Variants in ADD1 observed in about 807,000 individuals in gnomAD.
ADD1 encodes the protein alpha-adducin.
A neutral mutation model predicts 80.5 loss-of-function variants in ADD1; 24 were observed. The ratio of observed to expected loss-of-function variants is 0.30; its 90% CI spans 0.22 to 0.42. The LOEUF (loss-of-function observed/expected upper bound fraction) is 0.42, where lower values mean the gene tolerates loss of function less well. Ranked by LOEUF, ADD1 falls within the 10% of genes least tolerant of loss-of-function variation. The probability of loss-of-function intolerance (pLI) is 1.00; values close to 1 mark genes in which losing one functional copy is unlikely to be tolerated. For missense variants in ADD1, 948 were observed against 1,019.0 expected (o/e 0.93, Z 0.95); for synonymous variants, 373 against 393.8 (o/e 0.95, Z 0.63).
At chr4:2,893,284 A>G (rs1295946451) in intron 4 of ADD1, among the ~76,000 whole-genome samples, 2 of 151,836 alleles carry the variant, frequency 1.3e-5, no homozygotes, top group African/African-American at 4.8e-5. Context: ...CAGCAAGGAA[A>G]AAAAAAAAAG....
chr4:2,925,310 G>T (rs1740782370), intron 14 of ADD1, among the ~76,000 whole-genome samples: 1 of 152,154 alleles, frequency 6.6e-6, no homozygotes, highest in Admixed American at 6.5e-5. Context: ...GAGCTCAGAA[G>T]GATGATGATA....
chr4:2,862,477 A>G (rs1376876456), intron 1 of ADD1, among the ~76,000 whole-genome samples: 2 of 152,232 alleles, frequency 1.3e-5, no homozygotes, highest in African/African-American at 2.4e-5. Context: ...ATAAACAGAC[A>G]GCCTTATTCC....
intron 1 of ADD1, chr4:2,854,751 ACTGT>A (rs1378190455): frequency 6.6e-6 from 1 of 151,866 alleles, no homozygotes; most frequent in Non-Finnish European, 1.5e-5. Flanking sequence ...TTATTTTCAG[ACTGT>A]CTGTGTTCTG....
chr4:2,873,866 G>T (rs1351254713), intron 1 of ADD1, among the ~76,000 whole-genome samples: 1 of 152,076 alleles, frequency 6.6e-6, no homozygotes, highest in East Asian at 1.9e-4. Flanking sequence ...AAATAGATTG[G>T]GTAACCAGAA....
chr4:2,876,224 A>G, intron 2 of ADD1, 114 bp downstream of exon 2: 2 of 967,050 alleles, frequency 2.1e-6, no homozygotes, highest in South Asian at 3.8e-5. Flanking sequence ...ACAGGAAATC[A>G]GTGCCTTGAG....
At chr4:2,872,188 C>T (rs936503452) in intron 1 of ADD1, among the ~76,000 whole-genome samples, 7 of 152,164 alleles carry the variant, frequency 4.6e-5, no homozygotes, top group African/African-American at 1.4e-4. Context: ...ACTTATTTGT[C>T]ACGGTTCATC....
intron 15 of ADD1, among the ~76,000 whole-genome samples, chr4:2,927,269 C>T (rs959279252): frequency 4.6e-5 from 7 of 152,310 alleles, no homozygotes; most frequent in Non-Finnish European, 2.9e-5. Flanking sequence ...AGCCCTTTCC[C>T]GGTTCTCATG....
intron 1 of ADD1, among the ~76,000 whole-genome samples, chr4:2,858,136 G>A (rs1728339247): frequency 6.6e-6 from 1 of 152,150 alleles, no homozygotes; most frequent in African/African-American, 2.4e-5. Context: ...ACTATGTGGT[G>A]GAGATATGTG....
chr4:2,915,378 C>T (rs984617935), intron 14 of ADD1, among the ~76,000 whole-genome samples: 3 of 152,056 alleles, frequency 2.0e-5, no homozygotes, highest in African/African-American at 4.8e-5. Context: ...TGGTGGCTCA[C>T]GCCTATAATC....
At chr4:2,856,429 T>C (rs1386806713) in intron 1 of ADD1, among the ~76,000 whole-genome samples, 2 of 152,172 alleles carry the variant, frequency 1.3e-5, no homozygotes, top group Admixed American at 1.3e-4. Flanking sequence ...TTCATTACAA[T>C]GTGTGTAAGG....
At position 2,904,854 on chromosome 4, in the gene ADD1, G is replaced by A; in HGVS notation, c.1252G>A (p.Gly418Ser). The A allele has an allele frequency of 6.2e-7, 1 of 1,614,166 alleles. No homozygotes were observed. Residue 418 changes from glycine (G) to serine (S), a missense_variant, in exon 10 of 16, where the codon GGT (glycine) becomes AGT (serine). Coordinates refer to ENST00000683351, the MANE Select transcript of ADD1 (RefSeq NM_001354761.2). ...SDVEVPASVT[G>S]YSFASDGDSG... Reference sequence around the variant, plus strand: ...TGTGGAGGTTCCTGCTAGTGTCACAGGTTACTCCTTTGCTAGTGACGGTGA... The same window carrying A: ...TGTGGAGGTTCCTGCTAGTGTCACAAGTTACTCCTTTGCTAGTGACGGTGA...
At chr4:2,893,477 G>A (rs1198847988) in intron 4 of ADD1, among the ~76,000 whole-genome samples, 1 of 152,036 alleles carries the variant, frequency 6.6e-6, no homozygotes, top group Non-Finnish European at 1.5e-5. Flanking sequence ...GCTGGTCACA[G>A]TATTGTGCGC....
At chr4:2,911,506 G>A (rs1436168378) in intron 13 of ADD1, among the ~76,000 whole-genome samples, 2 of 148,276 alleles carry the variant, frequency 1.3e-5, no homozygotes, top group Non-Finnish European at 3.0e-5. Flanking sequence ...GAGTGTGGTC[G>A]GGCTGTCTTG....
intron 13 of ADD1, among the ~76,000 whole-genome samples, chr4:2,910,069 G>C (rs762849): frequency 0.019 from 2,804 of 145,890 alleles, 63 homozygotes; most frequent in African/African-American, 0.045. Context: ...TCTGTGTGCG[G>C]GCATCTAGTA....
chr4:2,914,912 T>A lies in ADD1; in HGVS notation c.1820T>A (p.Ile607Asn), dbSNP rs753435508. 2 of 1,613,404 alleles carry A rather than the reference T, an allele frequency of 1.2e-6. No homozygotes were observed. Among genetic ancestry groups the A allele is most frequent in the Non-Finnish European group, 1.7e-6 (2 of 1,179,672 alleles). ...GAGCTGGTGACGGCCTCCAAGGCCA[T>A]CATTGAAAAGGAGTACCAGCCCCAC... is the stretch of plus-strand genomic sequence containing the variant. ...KGELVTASKA[I>N]IEKEYQPHVI... is the part of the protein sequence containing the mutation. The change falls in exon 14 of 16, where the codon ATC (isoleucine) becomes AAC (asparagine). Residue 607 changes from isoleucine to asparagine, a missense_variant. Ile to Asn is a moderately radical substitution (Grantham distance 149). Transcript: ENST00000683351.
intron 1 of ADD1, among the ~76,000 whole-genome samples, chr4:2,862,216 G>T (rs1232975485): frequency 1.3e-5 from 2 of 152,226 alleles, no homozygotes; most frequent in Non-Finnish European, 2.9e-5. Flanking sequence ...ACTCCTGAAA[G>T]TGGGAGCAGC....
intron 14 of ADD1, among the ~76,000 whole-genome samples, chr4:2,924,603 A>G (rs1312634332): frequency 6.6e-6 from 1 of 152,136 alleles, no homozygotes; most frequent in African/African-American, 2.4e-5. Flanking sequence ...CACTCCTCCT[A>G]AGAGGACCTC....
chr4:2,905,985 G>A (rs1462017947), intron 10 of ADD1, among the ~76,000 whole-genome samples: 1 of 152,092 alleles, frequency 6.6e-6, no homozygotes, highest in East Asian at 1.9e-4. Flanking sequence ...AGGAGACAGG[G>A]GCTGAAGCAG....
intron 1 of ADD1, among the ~76,000 whole-genome samples, chr4:2,846,887 G>T: frequency 6.6e-6 from 1 of 151,850 alleles, no homozygotes. Context: ...GGAGGCCGAG[G>T]CGGGCGGATC....
Sources: gnomAD v4.1 joint callset for allele counts (sites outside exome capture counted in the v4.1 genomes callset) on GRCh38, gnomAD v4.1.1 for gene constraint, MANE v1.5 for transcripts, NCBI Gene and HGNC (gene_info 2026-07-23, HGNC 2026-07-21) for gene names.